The following RTN4 variants were observed in gnomAD, a reference collection of about 807,000 sequenced individuals.
RTN4 encodes reticulon-4.
A neutral mutation model predicts 90.4 loss-of-function variants in RTN4; 32 were observed. That is an observed-to-expected ratio of 0.35 (90% CI 0.27 to 0.48). RTN4 has a LOEUF of 0.48. Among genes scored for constraint, RTN4 ranks in the 20% least tolerant of loss-of-function variants. RTN4 has a pLI of 0.99. For synonymous variants in RTN4, 629 were observed against 552.5 expected (o/e 1.14, Z -1.94); for missense variants, 1,706 against 1,430.2 (o/e 1.19, Z -3.11).
At chr2:55,024,424 A>G (rs1046938177) in intron 3 of RTN4, among the ~76,000 whole-genome samples, 2 of 152,210 alleles carry the variant, frequency 1.3e-5, no homozygotes. Flanking sequence ...ACTATTTTAG[A>G]GAAAACGCAG....
chr2:54,978,720 T>G (rs375421277), intron 5 of RTN4, among the ~76,000 whole-genome samples: 41 of 152,318 alleles, frequency 2.7e-4, no homozygotes, highest in African/African-American at 9.6e-4. Flanking sequence ...AAAATCAATG[T>G]AATTCCAATA....
intron 3 of RTN4, among the ~76,000 whole-genome samples, chr2:55,022,920 C>A (rs1681548870): frequency 6.6e-6 from 1 of 151,702 alleles, no homozygotes; most frequent in African/African-American, 2.4e-5. Context: ...CACACACACA[C>A]ACACACACAC....
At chr2:55,031,858 G>A (rs1462036031) in intron 1 of RTN4, among the ~76,000 whole-genome samples, 2 of 152,150 alleles carry the variant, frequency 1.3e-5, no homozygotes, top group Non-Finnish European at 2.9e-5. Context: ...CTGTAAGTCT[G>A]CAGACCCCTA....
Position 55,025,414 on chromosome 2 carries a change from G to A in RTN4, c.2685C>T (p.Ser895=). ...LAREYTDLEV[S]HKSEIANAPD... is the part of the protein sequence containing the mutation. Reference sequence around the variant, plus strand: ...GGGCATTAGCAATTTCACTTTTGTGGGATACTTCTAGGTCAGTATATTCCC... The same window carrying A: ...GGGCATTAGCAATTTCACTTTTGTGAGATACTTCTAGGTCAGTATATTCCC... Residue 895 remains serine, a synonymous_variant, in exon 3 of 9, where the codon TCC becomes TCT. Transcript: ENST00000337526. 1 of 1,613,776 alleles carries A rather than the reference G, an allele frequency of 6.2e-7. No homozygotes were observed. The highest frequency in any genetic ancestry group is 8.5e-7 in the Non-Finnish European group (1 of 1,179,842).
rs756279526 is a variant in RTN4, at chr2:55,050,347, G to A, written c.-47C>T. 2 of 1,295,934 alleles carry A rather than the reference G, an allele frequency of 1.5e-6. No individual in the cohort carries two copies. The highest frequency in any genetic ancestry group is 2.0e-6 in the Non-Finnish European group (2 of 996,720). The allele number at this position is 1,295,934 out of a possible 1,614,324, so 80.3% of individuals were successfully genotyped here. A position where few individuals can be genotyped will look rare whatever the true frequency, so the allele number is the denominator to read the frequency against. ...CTGCAGCTGCTGCCGCCGCCGCCGG[G>A]GCCGCGTCTCAGAGCCGCGGGCGGT... On this transcript the variant is annotated 5_prime_UTR_variant, in exon 1 of 9. Transcript: ENST00000337526. The surrounding 1 kb of genome is among the most constrained non-coding windows in gnomAD (Gnocchi z 4.6).
At chr2:55,045,348 T>C (rs185582045) in intron 1 of RTN4, among the ~76,000 whole-genome samples, 4 of 152,332 alleles carry the variant, frequency 2.6e-5, no homozygotes, top group Admixed American at 6.5e-5. Context: ...TAAAAACAGA[T>C]TCACAGCCAA....
intron 2 of RTN4, among the ~76,000 whole-genome samples, chr2:55,065,000 A>T (rs1310528668): frequency 3.3e-5 from 5 of 152,222 alleles, no homozygotes; most frequent in Non-Finnish European, 7.3e-5. Context: ...ATGTGTTTGT[A>T]AACATTGTAC....
At chr2:55,083,502 A>AC (rs1668760784) in intron 1 of RTN4, among the ~76,000 whole-genome samples, 1 of 152,158 alleles carries the variant, frequency 6.6e-6, no homozygotes, top group Non-Finnish European at 1.5e-5. Flanking sequence ...GTCTCAAAGA[A>AC]GAAAAAAAAA....
At chr2:55,100,081 C>A (rs1273832684) in intron 1 of RTN4, among the ~76,000 whole-genome samples, 2 of 152,144 alleles carry the variant, frequency 1.3e-5, no homozygotes, top group Non-Finnish European at 2.9e-5. Flanking sequence ...TGATGCAATA[C>A]TTGCACATAT....
intron 6 of RTN4, chr2:54,974,095 A>G: frequency 2.2e-6 from 1 of 459,876 alleles, no homozygotes; most frequent in Non-Finnish European, 3.9e-6. Context: ...TTCTAGCTTC[A>G]AATCATATCA....
rs1553430343 is a variant in RTN4 at position 54,973,555 on chromosome 2, A to ATACTT, written c.3536+3_3536+7dup. On this transcript the variant is annotated splice_region_variant and intron_variant, in intron 8 of 8. Transcript: ENST00000337526. ...CTAGTAAAAACACTGCAGATTTTAA[A>ATACTT]TACTTACTTAGCCATAGCATCTTTA... is the stretch of plus-strand genomic sequence containing the variant. The ATACTT allele has an allele frequency of 1.0e-5, 16 of 1,595,178 alleles. No homozygotes were observed. The highest frequency in any genetic ancestry group is 2.7e-5 in the African/African-American group (2 of 74,524).
intron 5 of RTN4, among the ~76,000 whole-genome samples, chr2:54,981,543 C>T (rs1678128772): frequency 6.6e-6 from 1 of 152,142 alleles, no homozygotes; most frequent in Non-Finnish European, 1.5e-5. Context: ...ATATACAACA[C>T]AAATGACAAG....
intron 2 of RTN4, among the ~76,000 whole-genome samples, chr2:55,078,280 C>T (rs2105026165): frequency 6.6e-6 from 1 of 151,812 alleles, no homozygotes; most frequent in Non-Finnish European, 1.5e-5. Flanking sequence ...GCTCTGCTGC[C>T]CAGGCTGGAA....
chr2:55,050,081 C>T lies in RTN4; in HGVS notation c.220G>A (p.Ala74Thr), dbSNP rs1668018005. ...CCGAAGTCCATCAGGGGCGCGCCGGCGGCAGGGGCGGTGGGCACTGGGGCC... is the reference window on the plus strand; with the variant it reads ...CCGAAGTCCATCAGGGGCGCGCCGGTGGCAGGGGCGGTGGGCACTGGGGCC... ...SAAPVPTAPA[A>T]GAPLMDFGND... is the part of the protein sequence containing the mutation. Residue 74 changes from alanine to threonine, a missense_variant, in exon 1 of 9, where the codon GCC becomes ACC. Physicochemically the swap from Ala to Thr is moderately conservative, Grantham distance 58. Transcript: ENST00000337526. The surrounding 1 kb of genome is among the most constrained non-coding windows in gnomAD (Gnocchi z 4.6). 1.4e-6 allele frequency: 2 copies of T among 1,455,924 alleles called. No individual in the cohort carries two copies. Among genetic ancestry groups the T allele is most frequent in the Non-Finnish European group, 9.0e-7 (1 of 1,109,430 alleles). 90.2% of individuals were successfully genotyped at this position (1,455,924 alleles called of 1,614,324 possible).
chr2:55,098,981 A>C (rs1254321475), intron 1 of RTN4, among the ~76,000 whole-genome samples: 1 of 152,092 alleles, frequency 6.6e-6, no homozygotes, highest in African/African-American at 2.4e-5. Context: ...TTCTTCCTTC[A>C]TCCATCAGGA....
chr2:54,982,623 AG>A lies in RTN4; in HGVS notation c.3251del (p.Ser1084LeufsTer16), dbSNP rs1231338014. On this transcript the variant is annotated frameshift_variant, in exon 5 of 9. Transcript: ENST00000337526. LOFTEE classifies it high-confidence loss of function. ...TACTGTACTTCTGAACCAACTCCTCAGATATAGCAACTTCAGATTCCAGATA... is the reference window on the plus strand; with the variant it reads ...TACTGTACTTCTGAACCAACTCCTCAATATAGCAACTTCAGATTCCAGATA... ...RAYLESEVAI[S>X]EELVQKYSNS... 6.2e-7 allele frequency: 1 copy of A among 1,611,260 alleles called. No homozygotes were observed. Among genetic ancestry groups the A allele is most frequent in the East Asian group, 2.2e-5 (1 of 44,724 alleles).
chr2:55,030,777 G>A (rs1682247806), intron 1 of RTN4, among the ~76,000 whole-genome samples: 1 of 152,164 alleles, frequency 6.6e-6, no homozygotes, highest in East Asian at 1.9e-4. Flanking sequence ...ATCTTCTGAA[G>A]GATGTATTTA....
rs1283809825 is a variant in RTN4 at position 55,017,977 on chromosome 2, T to G, written c.3013+7109A>C. ...TAACTGTGAACGGACAAAACCTGAG[T>G]TGGAATCGCAGTTCATTCTTGTGAA... On this transcript the variant is annotated intron_variant, in intron 3 of 8. Transcript: ENST00000337526. 3.9e-5 allele frequency among the ~76,000 whole-genome samples: 6 copies of G among 152,238 alleles called. No homozygotes were observed. The East Asian group carries it at 7.7e-4, about 20-fold the overall frequency.
chr2:55,126,306 T>A, the RTN4 span, among the ~76,000 whole-genome samples: 2 of 151,106 alleles, frequency 1.3e-5, no homozygotes, highest in Non-Finnish European at 2.9e-5. Context: ...GAGGCAGAGG[T>A]TATGATGAGC....
Sources: allele counts gnomAD v4.1 joint callset (sites outside exome capture counted in the v4.1 genomes callset), GRCh38; gene constraint gnomAD v4.1.1; non-coding constraint Gnocchi (gnomAD v3.1); transcripts MANE v1.5; gene names NCBI Gene and HGNC (gene_info 2026-07-23, HGNC 2026-07-21).